TFDP1: variants seen among roughly 807,000 people sequenced by gnomAD.
The protein encoded by TFDP1 is DRTF1-polypeptide 1.
TFDP1 carries 6 observed loss-of-function variants against 48.0 expected under a neutral mutation model. The ratio of observed to expected loss-of-function variants is 0.13; its 90% CI spans 0.07 to 0.25. The LOEUF is 0.25. Among genes scored for constraint, TFDP1 ranks in the 10% least tolerant of loss-of-function variants. TFDP1 has a pLI of 1.00. For missense variants in TFDP1, 335 were observed against 543.0 expected, an observed-to-expected ratio of 0.62 and a Z score of 3.81; for synonymous variants, 201 against 211.6, an observed-to-expected ratio of 0.95 and a Z score of 0.44.
At chr13:113,585,601 G>T in intron 1 of TFDP1, 173 bp from the exon 2 acceptor site, 1 of 432,372 alleles carries the variant, frequency 2.3e-6, no homozygotes, top group South Asian at 3.9e-5. Flanking sequence ...GTCTGGCGAG[G>T]CGACTGAAAA....
intron 2 of TFDP1, among the ~76,000 whole-genome samples, chr13:113,591,018 A>AC (rs1231080269): frequency 5.3e-4 from 78 of 148,096 alleles, no homozygotes; most frequent in African/African-American, 2.0e-3. Context: ...TCAAAAAAAA[A>AC]AAAAAAAAAA....
Position 113,640,555 on chromosome 13 carries a change from C to A in TFDP1, c.*288C>A. The A allele has an allele frequency of 3.1e-6, 1 of 322,760 alleles. No homozygotes were observed. Among genetic ancestry groups the A allele is most frequent in the Non-Finnish European group, 5.5e-6 (1 of 182,134 alleles). The allele number at this position is 322,760 out of a possible 1,614,324, so 20.0% of individuals were successfully genotyped here. A position where few individuals can be genotyped will look rare whatever the true frequency, so the allele number is the denominator to read the frequency against. On this transcript the variant is annotated 3_prime_UTR_variant, in exon 12 of 12. Transcript: ENST00000375370. ...TTAAGTGCAGAGTTCATTTTTGCCCCTGAAAAGTTTTTGCTGAGTTTGCTG... is the reference window on the plus strand; with the variant it reads ...TTAAGTGCAGAGTTCATTTTTGCCCATGAAAAGTTTTTGCTGAGTTTGCTG...
chr13:113,617,172 A>G (rs902998277), intron 3 of TFDP1, among the ~76,000 whole-genome samples: 19 of 152,182 alleles, frequency 1.2e-4, no homozygotes, highest in Admixed American at 6.5e-5. Context: ...GATTTGTGCA[A>G]CGGAGGCCTC....
Position 113,627,485 on chromosome 13 carries a change from C to T in TFDP1, c.187-4138C>T, listed in dbSNP as rs1282255530. On this transcript the variant is annotated intron_variant, in intron 4 of 11. Transcript: ENST00000375370. This position sits in a 1 kb window ranked among gnomAD's most constrained non-coding sequence, Gnocchi z 4.1. Reference sequence around the variant, plus strand: ...GCCACTGGCCCTGTCTCTCTGGACACCGCGGTTAACCTTGGTCCATCTCTA... The same window carrying T: ...GCCACTGGCCCTGTCTCTCTGGACATCGCGGTTAACCTTGGTCCATCTCTA... Among the ~76,000 whole-genome samples, 1 of 152,306 alleles carries T rather than the reference C, an allele frequency of 6.6e-6. No homozygotes were observed. The highest frequency in any genetic ancestry group is 1.5e-5 in the Non-Finnish European group (1 of 68,034).
rs776782523 is a variant in TFDP1, at chr13:113,585,793, TG to T, written c.-42del. ...TACCAGAAAAATCATTTTTCTTCTCTGGGAAGGTGAACATTTGTAGCATTGA... is the reference window on the plus strand; with the variant it reads ...TACCAGAAAAATCATTTTTCTTCTCTGGAAGGTGAACATTTGTAGCATTGA... On this transcript the variant is annotated 5_prime_UTR_variant, in exon 2 of 12. Transcript: ENST00000375370. The T allele has an allele frequency of 6.5e-7, 1 of 1,528,712 alleles. No individual in the cohort carries two copies. Among genetic ancestry groups the T allele is most frequent in the Non-Finnish European group, 9.0e-7 (1 of 1,116,946 alleles). 94.7% of individuals were successfully genotyped at this position (1,528,712 alleles called of 1,614,324 possible). A position where few individuals can be genotyped will look rare whatever the true frequency, so the allele number is the denominator to read the frequency against.
chr13:113,634,154 G>T (rs1272956516), intron 7 of TFDP1, 121 bp downstream of exon 7: 1 of 1,423,074 alleles, frequency 7.0e-7, no homozygotes, highest in East Asian at 2.3e-5. Flanking sequence ...CCGGCTGGCA[G>T]ACGGTCATGC....
rs183471443 is a variant in TFDP1 at position 113,588,493 on chromosome 13, G to T, written c.12+2644G>T. Among the ~76,000 whole-genome samples, 9 of 152,358 alleles carry T rather than the reference G, an allele frequency of 5.9e-5. No homozygotes were observed. The East Asian group carries it at 1.2e-3, about 20-fold the overall frequency. On this transcript the variant is annotated intron_variant, in intron 2 of 11. Coordinates refer to ENST00000375370, the MANE Select transcript of TFDP1 (RefSeq NM_007111.5). Reference sequence around the variant, plus strand: ...GAAAAGGCCACAAATGGCTCCATGTGAGTGAGGGGCAGAAAGAAGAGGATG... The same window carrying T: ...GAAAAGGCCACAAATGGCTCCATGTTAGTGAGGGGCAGAAAGAAGAGGATG...
intron 2 of TFDP1, among the ~76,000 whole-genome samples, chr13:113,588,136 C>A (rs1341058445): frequency 6.6e-6 from 1 of 152,372 alleles, no homozygotes; most frequent in Middle Eastern, 3.4e-3. Flanking sequence ...AGGCGTGAGC[C>A]GCTGTGCCCA....
In TFDP1 at chr13:113,632,789, C is replaced by T. The variant is rs191227130; in HGVS notation, c.309-331C>T. 8.0e-3 allele frequency among the ~76,000 whole-genome samples: 1,222 copies of T among 152,324 alleles called. 10 individuals carry two copies. Among genetic ancestry groups the T allele is most frequent in the Non-Finnish European group, 9.8e-3 (669 of 68,006 alleles). On this transcript the variant is annotated intron_variant, in intron 5 of 11. Coordinates refer to ENST00000375370, the MANE Select transcript of TFDP1 (RefSeq NM_007111.5). The stretch of plus-strand genomic sequence containing the variant: ...AGACTCCGTCTCAAAAAAGAAAAAA[C>T]AACAACAAAAAGAAAAGTGGTGCTT...
intron 2 of TFDP1, among the ~76,000 whole-genome samples, chr13:113,597,922 G>A (rs73577415): frequency 0.012 from 1,795 of 152,312 alleles, 34 homozygotes; most frequent in African/African-American, 0.041. Flanking sequence ...TTGAGGGGGT[G>A]GCAGGTGGCC....
chr13:113,589,508 AC>A (rs1451154592), intron 2 of TFDP1, among the ~76,000 whole-genome samples: 1 of 152,150 alleles, frequency 6.6e-6, no homozygotes, highest in East Asian at 1.9e-4. Flanking sequence ...GTTTGGAGAC[AC>A]CCTGGGAGGT....
rs1229516423 is a variant in TFDP1 at position 113,584,809 on chromosome 13, C to T, written c.-144C>T. On this transcript the variant is annotated 5_prime_UTR_variant, in exon 1 of 12. Coordinates refer to ENST00000375370, the MANE Select transcript of TFDP1 (RefSeq NM_007111.5). ...CGGGACCGCCCGGCCCGGCCCCAGC[C>T]CGCGCCTCTCCGCGCCGCCCCGCGC... 1 of 146,176 alleles carries T rather than the reference C, an allele frequency of 6.8e-6. No homozygotes were observed. Among genetic ancestry groups the T allele is most frequent in the Non-Finnish European group, 1.5e-5 (1 of 65,844 alleles). The allele number at this position is 146,176 out of a possible 1,614,324, so 9.1% of individuals were successfully genotyped here.
intron 2 of TFDP1, among the ~76,000 whole-genome samples, chr13:113,590,730 G>A (rs1366464738): frequency 1.3e-5 from 2 of 152,098 alleles, no homozygotes; most frequent in Non-Finnish European, 2.9e-5. Context: ...TATAGGTTGG[G>A]CCGGGCGCAG....
At chr13:113,624,393 A>G (rs1441087473) in intron 4 of TFDP1, among the ~76,000 whole-genome samples, 1 of 136,210 alleles carries the variant, frequency 7.3e-6, no homozygotes, top group Admixed American at 7.2e-5. Flanking sequence ...GTCCCCAAGT[A>G]TCTCTCAGGC....
chr13:113,617,149 A>G (rs4150749), intron 3 of TFDP1, among the ~76,000 whole-genome samples: 4 of 152,292 alleles, frequency 2.6e-5, no homozygotes, highest in African/African-American at 9.6e-5. Context: ...CACGTCAGGC[A>G]CAGTAGGTGT....
At chr13:113,628,031 G>T (rs1367143283) in intron 4 of TFDP1, among the ~76,000 whole-genome samples, 1 of 152,198 alleles carries the variant, frequency 6.6e-6, no homozygotes, top group Non-Finnish European at 1.5e-5. Context: ...GTTTTCTAAC[G>T]ACTGCTGGCG....
chr13:113,609,907 C>T (rs909992597), intron 2 of TFDP1, among the ~76,000 whole-genome samples: 2 of 152,232 alleles, frequency 1.3e-5, no homozygotes, highest in East Asian at 3.8e-4. Context: ...GCTGCCAGCA[C>T]GCCACTCCCA....
intron 4 of TFDP1, among the ~76,000 whole-genome samples, chr13:113,625,170 T>G (rs1241159907): frequency 1.5e-5 from 2 of 134,050 alleles, no homozygotes; most frequent in African/African-American, 5.9e-5. Context: ...CTCTCAGGTG[T>G]CTCTCACGTG....
In TFDP1 at chr13:113,637,533, G is replaced by A. The variant is rs1176895936; in HGVS notation, c.1007-285G>A. The A allele has an allele frequency of 7.5e-6, 10 of 1,326,422 alleles. No individual in the cohort carries two copies. The African/African-American group carries it at 1.2e-4, about 16-fold the overall frequency. 82.2% of individuals were successfully genotyped at this position (1,326,422 alleles called of 1,614,324 possible). A position where few individuals can be genotyped will look rare whatever the true frequency, so the allele number is the denominator to read the frequency against. ...TTGATTCGGTTCCGTTTCACGATGGGTATGATACTGAGGCAGCAGCACACG... is the reference window on the plus strand; with the variant it reads ...TTGATTCGGTTCCGTTTCACGATGGATATGATACTGAGGCAGCAGCACACG... On this transcript the variant is annotated intron_variant, in intron 10 of 11. Coordinates refer to ENST00000375370, the MANE Select transcript of TFDP1 (RefSeq NM_007111.5).
Sources: gnomAD v4.1 joint callset for allele counts (sites outside exome capture counted in the v4.1 genomes callset) on GRCh38, gnomAD v4.1.1 for gene constraint, Gnocchi (gnomAD v3.1) non-coding constraint, MANE v1.5 for transcripts, NCBI Gene and HGNC (gene_info 2026-07-23, HGNC 2026-07-21) for gene names.